HEATR9: variants seen among roughly 807,000 people sequenced by gnomAD.
The protein encoded by HEATR9 is HEAT repeat containing 9, also known as protein HEATR9.
A neutral mutation model predicts 68.2 loss-of-function variants in HEATR9; 54 were observed. The observed-to-expected ratio is 0.79, with a 90% CI of 0.64 to 0.99. The LOEUF (loss-of-function observed/expected upper bound fraction) is 0.99. HEATR9 is among the 50% of genes least tolerant of loss of function. HEATR9 has a pLI of 0.00. For missense variants in HEATR9, 662 were observed against 679.7 expected, an observed-to-expected ratio of 0.97 and a Z score of 0.29; for synonymous variants, 241 against 253.5, an observed-to-expected ratio of 0.95 and a Z score of 0.47.
chr17:35,864,477 C>G lies in HEATR9; in HGVS notation c.510+20G>C, dbSNP rs781643130. 1.2e-6 allele frequency: 2 copies of G among 1,612,240 alleles called. No homozygotes were observed. The highest frequency in any genetic ancestry group is 1.1e-5 in the South Asian group (1 of 90,866). On this transcript the variant is annotated intron_variant, in intron 5 of 14. Coordinates refer to ENST00000604834, the MANE Select transcript of HEATR9 (RefSeq NM_152781.4). ...AACTCCTGGCTGTAACCACCCTCCTCTATCCTTGCCTCTTCTCACCTGTGC... is the reference window on the plus strand; with the variant it reads ...AACTCCTGGCTGTAACCACCCTCCTGTATCCTTGCCTCTTCTCACCTGTGC...
At chr17:35,861,366 A>G (rs2087985184) in intron 8 of HEATR9, 1 of 1,580,520 alleles carries the variant, frequency 6.3e-7, no homozygotes, top group Admixed American at 1.7e-5. Context: ...ATTCAAATGA[A>G]TTATCCACTG....
At chr17:35,861,706 A>G (rs1205122695) in intron 8 of HEATR9, 3 of 516,088 alleles carry the variant, frequency 5.8e-6, no homozygotes, top group African/African-American at 1.9e-5. Context: ...TCTTTGCTCA[A>G]ATGTACCTTC....
At chr17:35,856,454 T>C in intron 12 of HEATR9, 1 of 1,268,376 alleles carries the variant, frequency 7.9e-7, no homozygotes, top group East Asian at 2.5e-5. Flanking sequence ...ATTTTATCTT[T>C]TTAAAAAAAG....
In HEATR9 at chr17:35,865,087, G is replaced by T. The variant is rs577858132; in HGVS notation, c.320+128C>A. On this transcript the variant is annotated intron_variant, in intron 3 of 14. Coordinates refer to ENST00000604834, the MANE Select transcript of HEATR9 (RefSeq NM_152781.4). The stretch of plus-strand genomic sequence containing the variant: ...AGATGGAGCTGAGCCAAGCCGAGCC[G>T]CCCTAAGCTCCTCTCTGGGACCTGT... 1.4e-3 allele frequency: 1,799 copies of T among 1,316,022 alleles called. 4 individuals are homozygous for T. The highest frequency in any genetic ancestry group is 1.8e-3 in the Non-Finnish European group (1,653 of 940,070). 81.5% of individuals were successfully genotyped at this position (1,316,022 alleles called of 1,614,324 possible). A position where few individuals can be genotyped will look rare whatever the true frequency, so the allele number is the denominator to read the frequency against.
chr17:35,863,357 T>G, intron 7 of HEATR9, 145 bp downstream of exon 7: 1 of 997,164 alleles, frequency 1.0e-6, no homozygotes, highest in Non-Finnish European at 1.5e-6. Context: ...CCTTCCTCTC[T>G]TGGTTCAACA....
intron 2 of HEATR9, 105 bp downstream of exon 2, chr17:35,866,619 G>A (rs2088205492): frequency 9.4e-7 from 1 of 1,066,716 alleles, no homozygotes. Flanking sequence ...CAGCCCCAGG[G>A]GTAAATGTCA....
chr17:35,861,375 T>TA lies in HEATR9; in HGVS notation c.756+1619_756+1620insT, dbSNP rs1433242264. ...TTTAAAATTCAAATGAATTATCCAC[T>TA]GTAAGCTCTTTACCAGCTGCTTTCC... On this transcript the variant is annotated intron_variant, in intron 8 of 14. Coordinates refer to ENST00000604834, the MANE Select transcript of HEATR9 (RefSeq NM_152781.4). 108 of 1,596,022 alleles carry TA rather than the reference T, an allele frequency of 6.8e-5. 1 individual carries two copies. The East Asian group carries it at 2.4e-3, about 36-fold the overall frequency.
intron 10 of HEATR9, 21 bp downstream of exon 10, chr17:35,858,412 T>C (rs774608619): frequency 6.2e-7 from 1 of 1,613,834 alleles, no homozygotes; most frequent in Non-Finnish European, 8.5e-7. Context: ...AAAGGAAGGG[T>C]TCAGGCAGTC....
rs142726059 is a variant in HEATR9, at chr17:35,856,731, C to T, written c.1226+1G>A. ...GCCCTGGCAGCTCCCAGGCCACTCA[C>T]GCCTCCACCAAGTTCATCATCGTAG... On this transcript the variant is annotated splice_donor_variant, in intron 12 of 14. Transcript: ENST00000604834. LOFTEE classifies it high-confidence loss of function. The T allele has an allele frequency of 4.4e-5, 70 of 1,600,458 alleles. No individual in the cohort carries two copies. The highest frequency in any genetic ancestry group is 4.0e-5 in the African/African-American group (3 of 74,804).
rs1201674263 is a variant in HEATR9 at position 35,860,341 on chromosome 17, G to A, written c.757-1271C>T. Among the ~76,000 whole-genome samples, 10 of 140,580 alleles carry A rather than the reference G, an allele frequency of 7.1e-5. No homozygotes were observed. The South Asian group carries it at 1.4e-3, about 20-fold the overall frequency. 92.2% of individuals were successfully genotyped at this position (140,580 alleles called of 152,430 possible). ...TGGGAGGTGGAGCTTGCAGTGAGCCGAGACTGCACCACTGCACTCCAGCCT... is the reference window on the plus strand; with the variant it reads ...TGGGAGGTGGAGCTTGCAGTGAGCCAAGACTGCACCACTGCACTCCAGCCT... On this transcript the variant is annotated intron_variant, in intron 8 of 14. Transcript: ENST00000604834.
rs1299545945 is a variant in HEATR9, at chr17:35,863,109, A to T, written c.642T>A (p.His214Gln). 8.1e-6 allele frequency: 13 copies of T among 1,614,072 alleles called. No individual in the cohort carries two copies. Among genetic ancestry groups the T allele is most frequent in the Non-Finnish European group, 1.1e-5 (13 of 1,180,026 alleles). The change falls in exon 8 of 15, where the codon CAT (histidine) becomes CAA (glutamine). Residue 214 changes from histidine to glutamine, a missense_variant. By Grantham distance (24) the His-to-Gln change is conservative (BLOSUM62 0). Transcript: ENST00000604834. Reference sequence around the variant, plus strand: ...GCTGTTTGATGAGAGCCCGGATCACATGCTTATTCAGGCAACCTGGACAGG... The same window carrying T: ...GCTGTTTGATGAGAGCCCGGATCACTTGCTTATTCAGGCAACCTGGACAGG... Reference protein sequence around the residue: ...TLAILGCLNKHVIRALIKQLK... With the variant: ...TLAILGCLNKQVIRALIKQLK...
At chr17:35,867,662 A>G (rs74539301) in intron 1 of HEATR9, among the ~76,000 whole-genome samples, 6,970 of 152,142 alleles carry the variant, frequency 0.046, 201 homozygotes, top group Non-Finnish European at 0.066. Context: ...TTAGGAAAAA[A>G]AAAATCACTT....
Position 35,862,975 on chromosome 17 carries a change from A to G in HEATR9, c.756+20T>C. The G allele has an allele frequency of 6.2e-7, 1 of 1,614,102 alleles. No individual in the cohort carries two copies. Among genetic ancestry groups the G allele is most frequent in the Non-Finnish European group, 8.5e-7 (1 of 1,180,004 alleles). On this transcript the variant is annotated intron_variant, in intron 8 of 14. Coordinates refer to ENST00000604834, the MANE Select transcript of HEATR9 (RefSeq NM_152781.4). ...CCTTGTCCAGCTTTGCCCCCAATTA[A>G]AGACTGTCCTCCCAATCACCTTGTC...
At chr17:35,855,599 T>C in intron 14 of HEATR9, 65 bp downstream of exon 14, 1 of 1,472,520 alleles carries the variant, frequency 6.8e-7, no homozygotes, top group Non-Finnish European at 9.5e-7. Context: ...GGTGGTGAGA[T>C]AGGTGGGAGA....
chr17:35,863,661 C>T (rs1313071025), intron 6 of HEATR9, 102 bp from the exon 7 acceptor site: 2 of 1,303,132 alleles, frequency 1.5e-6, no homozygotes, highest in Non-Finnish European at 2.2e-6. Flanking sequence ...AAAGAGGAAA[C>T]TGAAGCCTAG....
At chr17:35,867,666 A>G (rs762372717) in intron 1 of HEATR9, among the ~76,000 whole-genome samples, 1 of 152,070 alleles carries the variant, frequency 6.6e-6, no homozygotes, top group Non-Finnish European at 1.5e-5. Context: ...GAAAAAAAAA[A>G]TCACTTGGAG....
At chr17:35,861,098 C>T (rs2087974701) in intron 8 of HEATR9, 1 of 1,025,918 alleles carries the variant, frequency 9.7e-7, no homozygotes, top group African/African-American at 1.6e-5. Flanking sequence ...CTCTTGTCCA[C>T]ATCCTCTTGT....
In HEATR9 at chr17:35,858,459, G is replaced by C. The variant is rs2087855752; in HGVS notation, c.1006C>G (p.Gln336Glu). The C allele has an allele frequency of 6.2e-7, 1 of 1,614,130 alleles. No homozygotes were observed. Among genetic ancestry groups the C allele is most frequent in the African/African-American group, 1.3e-5 (1 of 75,014 alleles). ...SAPVIKAILD[Q>E]LCSSSVLEDR... ...TCAAGGACACTGGAAGAACACAGCT[G>C]GTCTAGGATGGCCTTGATGACTGGG... Residue 336 changes from glutamine (Q) to glutamate (E), a missense_variant, in exon 10 of 15, where the codon CAG becomes GAG. Physicochemically the swap from Gln to Glu is conservative, Grantham distance 29. Coordinates refer to ENST00000604834, the MANE Select transcript of HEATR9 (RefSeq NM_152781.4).
At chr17:35,867,929 C>T (rs142689830) in intron 1 of HEATR9, among the ~76,000 whole-genome samples, 90 of 152,078 alleles carry the variant, frequency 5.9e-4, no homozygotes, top group African/African-American at 1.8e-3. Context: ...TATAGGTGCC[C>T]GCCACCACAC....
Sources: allele counts gnomAD v4.1 joint callset (sites outside exome capture counted in the v4.1 genomes callset), GRCh38; gene constraint gnomAD v4.1.1; transcripts MANE v1.5; gene names NCBI Gene and HGNC (gene_info 2026-07-23, HGNC 2026-07-21).